PCDH15: variants seen among roughly 807,000 people sequenced by gnomAD.
PCDH15 encodes the protein protocadherin related 15.
A neutral mutation model predicts 178.5 loss-of-function variants in PCDH15; 129 were observed. The ratio of observed to expected loss-of-function variants is 0.72; its 90% CI spans 0.63 to 0.84. The LOEUF is 0.84. PCDH15 is among the 40% of genes least tolerant of loss of function. The pLI is 0.00. For synonymous variants in PCDH15, 800 were observed against 732.0 expected (o/e 1.09, Z -1.50); for missense variants, 2,230 against 2,099.9 (o/e 1.06, Z -1.21).
At chr10:53,939,056 AT>A in intron 24 of PCDH15, 101 bp from the exon 25 acceptor site, 2 of 1,173,906 alleles carry the variant, frequency 1.7e-6, no homozygotes, top group Middle Eastern at 2.7e-4. Context: ...AAAAATGCCT[AT>A]TTATAACTAG....
At chr10:55,454,573 C>T (rs1839507092) in intron 2 of PCDH15, among the ~76,000 whole-genome samples, 1 of 148,672 alleles carries the variant, frequency 6.7e-6, no homozygotes, top group South Asian at 2.1e-4. Flanking sequence ...ATCAGGAGAT[C>T]GAGATCATCC....
chr10:53,889,906 A>C (rs1365984119), intron 26 of PCDH15, among the ~76,000 whole-genome samples: 4 of 152,202 alleles, frequency 2.6e-5, no homozygotes, highest in Non-Finnish European at 2.9e-5. Context: ...TAAGTCTATA[A>C]AAATATCGTA....
At chr10:53,880,335 CAATTT>C (rs1166036546) in intron 26 of PCDH15, among the ~76,000 whole-genome samples, 6 of 152,096 alleles carry the variant, frequency 3.9e-5, no homozygotes, top group Non-Finnish European at 8.8e-5. Context: ...AGAGATAAAA[CAATTT>C]AATATTTTAA....
At chr10:54,947,947 C>T (rs1179474790) in intron 2 of PCDH15, among the ~76,000 whole-genome samples, 2 of 151,856 alleles carry the variant, frequency 1.3e-5, no homozygotes, top group African/African-American at 4.8e-5. Flanking sequence ...CCTTCCAATT[C>T]TATCTTCTTT....
intron 1 of PCDH15, among the ~76,000 whole-genome samples, chr10:55,187,944 G>A (rs1447224900): frequency 6.6e-6 from 1 of 151,818 alleles, no homozygotes; most frequent in Non-Finnish European, 1.5e-5. Flanking sequence ...TATTCTGCAG[G>A]CAGTCAAGAG....
intron 1 of PCDH15, among the ~76,000 whole-genome samples, chr10:54,772,579 C>T (rs1949220747): frequency 1.2e-5 from 1 of 82,196 alleles, no homozygotes; most frequent in South Asian, 6.1e-4. Flanking sequence ...CATCTCATTC[C>T]AGTCGGAATG....
At chr10:54,124,886 C>T (rs866672387) in intron 15 of PCDH15, among the ~76,000 whole-genome samples, 2 of 152,162 alleles carry the variant, frequency 1.3e-5, no homozygotes, top group Admixed American at 6.5e-5. Context: ...CCTGTTAATT[C>T]AGAGGGTCAT....
At chr10:55,294,853 T>A (rs1485253644) in intron 1 of PCDH15, among the ~76,000 whole-genome samples, 3 of 152,196 alleles carry the variant, frequency 2.0e-5, no homozygotes, top group East Asian at 1.9e-4. Context: ...AAAAATAGCT[T>A]AGAACTTTAA....
chr10:54,972,600 G>A (rs1838963361), intron 2 of PCDH15, among the ~76,000 whole-genome samples: 1 of 151,704 alleles, frequency 6.6e-6, no homozygotes, highest in Admixed American at 6.6e-5. Context: ...TGTAATCCCA[G>A]CACTTTTGGG....
Position 54,294,916 on chromosome 10 carries a change from G to A in PCDH15, c.876+22355C>T, listed in dbSNP as rs184244139. ...AAACTATATCTGAGACATGCTTCAA[G>A]TAATTTGGGAAGAAAGGATGGGAGA... On this transcript the variant is annotated intron_variant, in intron 8 of 37. Transcript: ENST00000644397. Among the ~76,000 whole-genome samples the A allele has an allele frequency of 1.3e-3, 205 of 152,294 alleles. 1 individual carries two copies. Among genetic ancestry groups the A allele is most frequent in the African/African-American group, 4.8e-3 (199 of 41,564 alleles).
intron 10 of PCDH15, among the ~76,000 whole-genome samples, chr10:54,200,072 A>T (rs2133966894): frequency 6.6e-6 from 1 of 152,310 alleles, no homozygotes; most frequent in African/African-American, 2.4e-5. Flanking sequence ...ACTACAGAAT[A>T]ACTTTGTTCT....
intron 2 of PCDH15, among the ~76,000 whole-genome samples, chr10:55,011,035 A>G (rs1840034570): frequency 6.6e-6 from 1 of 152,156 alleles, no homozygotes; most frequent in African/African-American, 2.4e-5. Context: ...CAATTTTTGA[A>G]GAGGAATAAC....
intron 1 of PCDH15, among the ~76,000 whole-genome samples, chr10:54,787,621 T>C (rs1222861625): frequency 3.3e-5 from 5 of 151,970 alleles, no homozygotes; most frequent in African/African-American, 9.7e-5. Context: ...TGAGCCAGTA[T>C]GGACTTTTCA....
In PCDH15 at chr10:54,079,190, A is replaced by G. The variant is rs1911433; in HGVS notation, c.2091+141T>C. 0.78 allele frequency: 673,253 copies of G among 864,940 alleles called. 263,837 individuals are homozygous for G. Among genetic ancestry groups the G allele is most frequent in the African/African-American group, 0.94 (56,902 of 60,788 alleles). 53.6% of individuals were successfully genotyped at this position (864,940 alleles called of 1,614,324 possible). ...AGGTGCATGTATTAATAGCCTGTTG[A>G]AGAAAAGAGCAACACTTCTAGTAAT... On this transcript the variant is annotated intron_variant, in intron 17 of 37. Coordinates refer to ENST00000644397, the MANE Select transcript of PCDH15 (RefSeq NM_001384140.1).
At chr10:55,304,958 CATA>C (rs1465215772) in intron 1 of PCDH15, among the ~76,000 whole-genome samples, 1 of 151,922 alleles carries the variant, frequency 6.6e-6, no homozygotes, top group East Asian at 1.9e-4. Flanking sequence ...ATAGTATTTT[CATA>C]ATATTTCAAA....
intron 4 of PCDH15, among the ~76,000 whole-genome samples, chr10:54,376,414 C>T (rs1344293955): frequency 1.3e-5 from 2 of 150,350 alleles, no homozygotes; most frequent in African/African-American, 4.9e-5. Flanking sequence ...AAATTTAAAA[C>T]AGTGTAAATA....
intron 2 of PCDH15, among the ~76,000 whole-genome samples, chr10:55,466,620 G>A (rs1179854717): frequency 6.6e-6 from 1 of 152,052 alleles, no homozygotes; most frequent in Non-Finnish European, 1.5e-5. Context: ...TAGAAGATAA[G>A]AAAAATTGGA....
At chr10:54,325,631 C>T (rs1014731889) in intron 7 of PCDH15, among the ~76,000 whole-genome samples, 7 of 152,074 alleles carry the variant, frequency 4.6e-5, no homozygotes, top group African/African-American at 1.4e-4. Flanking sequence ...CATCTGTAAT[C>T]CCAGCTACTC....
intron 2 of PCDH15, among the ~76,000 whole-genome samples, chr10:55,090,360 C>T (rs1025492154): frequency 5.7e-5 from 8 of 141,134 alleles, no homozygotes; most frequent in African/African-American, 1.8e-4. Flanking sequence ...TATATATTTT[C>T]GTTGTCATTT....
Sources: allele counts gnomAD v4.1 joint callset (sites outside exome capture counted in the v4.1 genomes callset), GRCh38; gene constraint gnomAD v4.1.1; transcripts MANE v1.5; gene names NCBI Gene and HGNC (gene_info 2026-07-23, HGNC 2026-07-21).